Variants in FBLN2 observed in about 807,000 individuals in gnomAD.
The protein encoded by FBLN2 is fibulin-2.
A neutral mutation model predicts 123.7 loss-of-function variants in FBLN2; 81 were observed. The observed-to-expected ratio is 0.65, with a 90% CI of 0.55 to 0.79. The LOEUF is 0.79. FBLN2 is among the 30% of genes least tolerant of loss of function. The pLI is 0.00. For synonymous variants in FBLN2, 699 were observed against 701.4 expected (o/e 1.00, Z 0.05); for missense variants, 1,603 against 1,681.3 (o/e 0.95, Z 0.81).
intron 1 of FBLN2, among the ~76,000 whole-genome samples, chr3:13,563,129 C>T (rs1349171766): frequency 1.3e-5 from 2 of 152,194 alleles, no homozygotes; most frequent in African/African-American, 4.8e-5. Context: ...CTTTCTGGGC[C>T]TCAGGTGGTC....
At chr3:13,618,529 G>C (rs1705715836) in intron 6 of FBLN2, among the ~76,000 whole-genome samples, 2 of 152,208 alleles carry the variant, frequency 1.3e-5, no homozygotes, top group South Asian at 4.1e-4. Flanking sequence ...CGAGCGCAGG[G>C]ACAGGCTCAG....
chr3:13,554,242 C>T (rs1331338085), intron 1 of FBLN2, among the ~76,000 whole-genome samples: 2 of 152,184 alleles, frequency 1.3e-5, no homozygotes, highest in Non-Finnish European at 2.9e-5. Flanking sequence ...ACCTGTGTCT[C>T]CCGTGGCTTC....
At chr3:13,592,977 C>T (rs924639212) in intron 2 of FBLN2, among the ~76,000 whole-genome samples, 1 of 152,182 alleles carries the variant, frequency 6.6e-6, no homozygotes, top group Non-Finnish European at 1.5e-5. Flanking sequence ...TATGCTCTCT[C>T]ATCCTCCATC....
At chr3:13,623,754 T>C (rs1705933906) in intron 9 of FBLN2, among the ~76,000 whole-genome samples, 1 of 152,190 alleles carries the variant, frequency 6.6e-6, no homozygotes, top group Non-Finnish European at 1.5e-5. Flanking sequence ...TTGGTTAAAC[T>C]CTCTGAGCCT....
Position 13,570,316 on chromosome 3 carries a change from G to A in FBLN2, c.-40G>A. The A allele has an allele frequency of 1.3e-6, 2 of 1,484,398 alleles. No individual in the cohort carries two copies. Among genetic ancestry groups the A allele is most frequent in the Non-Finnish European group, 9.0e-7 (1 of 1,113,468 alleles). 92.0% of individuals were successfully genotyped at this position (1,484,398 alleles called of 1,614,324 possible). On this transcript the variant is annotated splice_region_variant and 5_prime_UTR_variant, in exon 2 of 18. Coordinates refer to ENST00000404922, the MANE Select transcript of FBLN2 (RefSeq NM_001004019.2). ...AGGCTTCCTTTCTGATTCCCCCAGG[G>A]TCTTACAGGAGAGGGGACCGTCCTG...
At chr3:13,584,527 TG>T (rs1704435628) in intron 2 of FBLN2, among the ~76,000 whole-genome samples, 1 of 152,042 alleles carries the variant, frequency 6.6e-6, no homozygotes, top group African/African-American at 2.4e-5. Context: ...CCAGCAACAG[TG>T]GGAGCTCCAC....
chr3:13,549,132 G>T lies in FBLN2; in HGVS notation c.-118G>T. On this transcript the variant is annotated 5_prime_UTR_variant, in exon 1 of 18. Coordinates refer to ENST00000404922, the MANE Select transcript of FBLN2 (RefSeq NM_001004019.2). ...CTCCGCCCCGCCCCGCGCGCACACA[G>T]CCAGGGGCCGCCCGGGCTCTCGACG... 1 of 983,012 alleles carries T rather than the reference G, an allele frequency of 1.0e-6. No individual in the cohort carries two copies. The highest frequency in any genetic ancestry group is 1.2e-6 in the Non-Finnish European group (1 of 829,014). 60.9% of individuals were successfully genotyped at this position (983,012 alleles called of 1,614,324 possible). A position where few individuals can be genotyped will look rare whatever the true frequency, so the allele number is the denominator to read the frequency against.
intron 8 of FBLN2, among the ~76,000 whole-genome samples, chr3:13,621,513 C>T (rs1261507536): frequency 6.6e-6 from 1 of 152,176 alleles, no homozygotes; most frequent in Non-Finnish European, 1.5e-5. Context: ...GGGAGGCAGC[C>T]TCTGGTCCTG....
At chr3:13,561,710 C>A (rs1194134259) in intron 1 of FBLN2, among the ~76,000 whole-genome samples, 1 of 152,240 alleles carries the variant, frequency 6.6e-6, no homozygotes, top group Non-Finnish European at 1.5e-5. Flanking sequence ...TCTCTTCCCC[C>A]CATCAGAACA....
At chr3:13,601,159 G>T (rs138028665) in intron 2 of FBLN2, among the ~76,000 whole-genome samples, 1 of 152,300 alleles carries the variant, frequency 6.6e-6, no homozygotes, top group Non-Finnish European at 1.5e-5. Flanking sequence ...TGCTAGCGCT[G>T]CTATATTTCA....
chr3:13,636,334 A>G (rs900615328), intron 16 of FBLN2, 111 bp from the exon 17 acceptor site: 41 of 1,362,748 alleles, frequency 3.0e-5, no homozygotes, highest in Non-Finnish European at 3.8e-5. Context: ...CACGCGGGCT[A>G]TTCTCACAGG....
At chr3:13,550,291 G>A (rs1703285526) in intron 1 of FBLN2, among the ~76,000 whole-genome samples, 1 of 152,186 alleles carries the variant, frequency 6.6e-6, no homozygotes, top group South Asian at 2.1e-4. Context: ...TCAGCCTCAG[G>A]CTGGGCCTGA....
At chr3:13,612,349 T>TG (rs1705430971) in intron 4 of FBLN2, among the ~76,000 whole-genome samples, 1 of 143,232 alleles carries the variant, frequency 7.0e-6, no homozygotes, top group African/African-American at 2.7e-5. Flanking sequence ...CTTTTCTTTC[T>TG]TTTTCTTTCT....
In FBLN2 at chr3:13,621,880, A is replaced by G. The variant is rs769763709; in HGVS notation, c.2261A>G (p.Asp754Gly). Residue 754 changes from aspartate to glycine, a missense_variant, in exon 9 of 18, where the codon GAT (aspartate) becomes GGT (glycine). By Grantham distance (94) the Asp-to-Gly change is moderately conservative. Coordinates refer to ENST00000404922, the MANE Select transcript of FBLN2 (RefSeq NM_001004019.2). ...GTCAACCACACAGTGCTCTGTGCCG[A>G]TGGCTATATCCTCAATGCGCACAGG... ...YCVNHTVLCA[D>G]GYILNAHRKC... 6 of 1,613,750 alleles carry G rather than the reference A, an allele frequency of 3.7e-6. No individual in the cohort carries two copies. The highest frequency in any genetic ancestry group is 1.1e-5 in the South Asian group (1 of 91,074).
chr3:13,609,838 T>G (rs1705332197), intron 4 of FBLN2, among the ~76,000 whole-genome samples, 196 bp downstream of exon 4: 1 of 152,134 alleles, frequency 6.6e-6, no homozygotes, highest in South Asian at 2.1e-4. Context: ...ACCAATTAAT[T>G]CACAGAATAT....
At chr3:13,630,626 TCAGA>T in intron 14 of FBLN2, 69 bp from the exon 15 acceptor site, 2 of 1,288,164 alleles carry the variant, frequency 1.6e-6, no homozygotes, top group Non-Finnish European at 2.2e-6. Context: ...GGCCTGGCTG[TCAGA>T]CAGCATTTGG....
chr3:13,618,827 G>A (rs1457174314), intron 6 of FBLN2, 77 bp from the exon 7 acceptor site: 3 of 993,630 alleles, frequency 3.0e-6, no homozygotes, highest in Non-Finnish European at 4.6e-6. Context: ...GAGAAGGGCA[G>A]GTGCCTGGAA....
At chr3:13,611,174 T>C (rs1705380854) in intron 4 of FBLN2, among the ~76,000 whole-genome samples, 1 of 152,160 alleles carries the variant, frequency 6.6e-6, no homozygotes, top group Admixed American at 6.5e-5. Flanking sequence ...CTCGAACTCC[T>C]GACCTCAAAT....
intron 2 of FBLN2, among the ~76,000 whole-genome samples, chr3:13,595,704 C>A (rs559321809): frequency 2.8e-4 from 43 of 152,278 alleles, no homozygotes; most frequent in African/African-American, 1.0e-3. Flanking sequence ...TTTTCAAAGC[C>A]GGAATTCTTT....
Sources: gnomAD v4.1 joint callset for allele counts (sites outside exome capture counted in the v4.1 genomes callset) on GRCh38, gnomAD v4.1.1 for gene constraint, MANE v1.5 for transcripts, NCBI Gene and HGNC (gene_info 2026-07-23, HGNC 2026-07-21) for gene names.